The following TRPC5 variants were observed in gnomAD, a reference collection of about 807,000 sequenced individuals.
The protein encoded by TRPC5 is transient receptor potential cation channel subfamily C member 5, also known as short transient receptor potential channel 5.
In TRPC5, 9 loss-of-function variants were observed where a neutral mutation model predicts 56.5. That is an observed-to-expected ratio of 0.16 (90% CI 0.10 to 0.28). TRPC5 has a LOEUF of 0.28. Ranked by LOEUF, TRPC5 falls within the 10% of genes least tolerant of loss-of-function variation. The pLI, the probability that TRPC5 is intolerant of heterozygous loss-of-function variation, is 1.00. For missense variants in TRPC5, 469 were observed against 748.9 expected (o/e 0.63, Z 4.36); for synonymous variants, 282 against 278.5 (o/e 1.01, Z -0.13).
At chrX:111,955,934 T>C (rs996438292) in intron 1 of TRPC5, among the ~76,000 whole-genome samples, 1 of 112,469 alleles carries the variant, frequency 8.9e-6, no homozygotes, top group Non-Finnish European at 1.9e-5. Flanking sequence ...ATTCTGCCAG[T>C]GAACCCGCTC....
At chrX:111,842,309 TG>T (rs1338379963) in intron 6 of TRPC5, among the ~76,000 whole-genome samples, 1 of 106,763 alleles carries the variant, frequency 9.4e-6, no homozygotes, top group Non-Finnish European at 1.9e-5. Context: ...GGCTGATTTT[TG>T]TATTTTTAGT....
chrX:111,799,759 G>A (rs956461933), intron 7 of TRPC5, among the ~76,000 whole-genome samples: 1 of 109,458 alleles, frequency 9.1e-6, no homozygotes, highest in Non-Finnish European at 1.9e-5. Context: ...ATGAAATTGT[G>A]GATGTGGATA....
At chrX:111,908,370 T>C (rs1448622989) in intron 3 of TRPC5, among the ~76,000 whole-genome samples, 1 of 111,857 alleles carries the variant, frequency 8.9e-6, no homozygotes, top group Non-Finnish European at 1.9e-5. Flanking sequence ...CTAATTATGT[T>C]AAAATTGATG....
Position 111,952,384 on chromosome X carries a change from G to T in TRPC5, c.37C>A (p.Pro13Thr). Residue 13 changes from proline to threonine, a missense_variant, in exon 2 of 11, where the codon CCG (proline) becomes ACG (threonine). This residue lies in a region of TRPC5 where 118 missense variants were observed against 167.1 expected (regional missense o/e 0.71). Transcript: ENST00000262839. ...TGCAGGGGGATGCGGTCTCTGTACG[G>T]TGAGTAGTTGACCTTTTTGTAGTAC... ...QLYYKKVNYS[P>T]YRDRIPLQIV... 1 of 1,209,437 alleles carries T rather than the reference G, an allele frequency of 8.3e-7. No individual in the cohort carries two copies. The highest frequency in any genetic ancestry group is 1.1e-6 in the Non-Finnish European group (1 of 894,522).
At chrX:111,990,389 G>A (rs2148655708) in intron 1 of TRPC5, among the ~76,000 whole-genome samples, 1 of 111,514 alleles carries the variant, frequency 9.0e-6, no homozygotes, top group East Asian at 2.8e-4. Flanking sequence ...CTGCACTCCA[G>A]CCTGGATGAC....
At chrX:111,923,975 A>G (rs1444594671) in intron 2 of TRPC5, among the ~76,000 whole-genome samples, 2 of 112,054 alleles carry the variant, frequency 1.8e-5, no homozygotes, top group Non-Finnish European at 3.8e-5. Context: ...TTCACTTTGT[A>G]TAAATCAATG....
rs984528012 is a variant in TRPC5 at position 111,772,347 on chromosome X, C to G, written c.*3966G>C. ...AGAGGTTATTTAAATGATCTGAACA[C>G]TTGGATCAATTTGCATTGACTATGT... On this transcript the variant is annotated 3_prime_UTR_variant, in exon 11 of 11. Transcript: ENST00000262839. Among the ~76,000 whole-genome samples, 13 of 112,338 alleles carry G rather than the reference C, an allele frequency of 1.2e-4. No homozygotes were observed. The highest frequency in any genetic ancestry group is 2.3e-4 in the Non-Finnish European group (12 of 53,291).
chrX:111,957,480 A>C (rs192932162), intron 1 of TRPC5, among the ~76,000 whole-genome samples: 1 of 112,228 alleles, frequency 8.9e-6, no homozygotes, highest in Middle Eastern at 4.2e-3. Flanking sequence ...ACTTTTAGAC[A>C]GTTACCACTG....
At chrX:111,815,652 C>T (rs1603041094) in intron 7 of TRPC5, among the ~76,000 whole-genome samples, 1 of 110,493 alleles carries the variant, frequency 9.1e-6, no homozygotes. Flanking sequence ...ACTCAGGAGG[C>T]AGAGGTTGCA....
Position 111,777,021 on chromosome X carries a change from CAT to C in TRPC5, c.2233-21_2233-20del, listed in dbSNP as rs775560223. ...TTAATTCCTGGGAAAAGAGAGGAGA[CAT>C]ATTATGTCAAGAAGCTTGGTCTTTA... is the stretch of plus-strand genomic sequence containing the variant. On this transcript the variant is annotated intron_variant, in intron 10 of 10. Coordinates refer to ENST00000262839, the MANE Select transcript of TRPC5 (RefSeq NM_012471.3). 1.5e-5 allele frequency: 16 copies of C among 1,089,100 alleles called. No homozygotes were observed. The African/African-American group carries it at 2.6e-4, about 18-fold the overall frequency. 89.8% of individuals were successfully genotyped at this position (1,089,100 alleles called of 1,213,427 possible).
At chrX:111,925,882 C>T (rs1012179533) in intron 2 of TRPC5, among the ~76,000 whole-genome samples, 3 of 111,500 alleles carry the variant, frequency 2.7e-5, no homozygotes, top group Non-Finnish European at 3.8e-5. Flanking sequence ...GGCATTTTCT[C>T]ATTCTTGGTG....
intron 7 of TRPC5, among the ~76,000 whole-genome samples, chrX:111,795,296 G>A (rs1301949882): frequency 9.0e-6 from 1 of 110,625 alleles, no homozygotes; most frequent in African/African-American, 3.3e-5. Context: ...CTTTATATCA[G>A]GTTGTGGAAG....
intron 1 of TRPC5, among the ~76,000 whole-genome samples, chrX:112,014,304 T>C (rs1419973583): frequency 8.9e-6 from 1 of 112,686 alleles, no homozygotes. Flanking sequence ...TCATTTTGAA[T>C]GTGCAGAAAT....
chrX:111,995,484 G>A (rs910515815), intron 1 of TRPC5, among the ~76,000 whole-genome samples: 2 of 111,462 alleles, frequency 1.8e-5, no homozygotes, highest in Admixed American at 9.5e-5. Flanking sequence ...CTCATAAAAC[G>A]AGTTAGGGAG....
chrX:112,023,313 C>T (rs766089477), intron 1 of TRPC5, among the ~76,000 whole-genome samples: 13 of 49,370 alleles, frequency 2.6e-4, no homozygotes, highest in Admixed American at 8.5e-4. Flanking sequence ...TCTTTTCTGT[C>T]TCCTTTCTTT....
intron 7 of TRPC5, among the ~76,000 whole-genome samples, chrX:111,833,500 A>G (rs1201516287): frequency 9.0e-6 from 1 of 111,050 alleles, no homozygotes; most frequent in Non-Finnish European, 1.9e-5. Flanking sequence ...ATCCTAGCAG[A>G]CAATTTTATA....
At chrX:111,942,814 A>G (rs1926815947) in intron 2 of TRPC5, among the ~76,000 whole-genome samples, 1 of 112,525 alleles carries the variant, frequency 8.9e-6, no homozygotes, top group Non-Finnish European at 1.9e-5. Flanking sequence ...TAGAATTATC[A>G]TGATATCATA....
intron 1 of TRPC5, among the ~76,000 whole-genome samples, chrX:112,027,495 C>A (rs973074744): frequency 1.8e-5 from 2 of 111,198 alleles, no homozygotes; most frequent in African/African-American, 3.3e-5. Flanking sequence ...AAAGTTATTT[C>A]TTTTCTTTTC....
intron 7 of TRPC5, among the ~76,000 whole-genome samples, chrX:111,822,817 T>G (rs1467755028): frequency 1.8e-5 from 2 of 111,881 alleles, no homozygotes; most frequent in Non-Finnish European, 1.9e-5. Context: ...GTATTTTTTT[T>G]GGGCACTGGA....
Sources: gnomAD v4.1 joint callset for allele counts (sites outside exome capture counted in the v4.1 genomes callset) on GRCh38, gnomAD v4.1.1 for gene constraint, gnomAD v4.1.1 regional missense constraint, MANE v1.5 for transcripts, NCBI Gene and HGNC (gene_info 2026-07-23, HGNC 2026-07-21) for gene names.